Variants in ARMH3 observed in about 807,000 individuals in gnomAD.
ARMH3 encodes the protein armadillo-like helical domain-containing protein 3.
Under a neutral mutation model 99.1 loss-of-function variants are expected in ARMH3, and 60 were observed. That is an observed-to-expected ratio of 0.61 (90% confidence interval 0.49 to 0.75). The LOEUF is 0.75. Among genes scored for constraint, ARMH3 ranks in the 30% least tolerant of loss-of-function variants. The probability of loss-of-function intolerance (pLI) is 0.00; values close to 1 mark genes in which losing one functional copy is unlikely to be tolerated. For missense variants in ARMH3, 679 were observed against 843.1 expected (o/e 0.81, Z 2.41); for synonymous variants, 285 against 292.8 (o/e 0.97, Z 0.27).
At chr10:102,023,776 G>A in intron 6 of ARMH3, 27 bp from the exon 7 acceptor site, 1 of 1,597,364 alleles carries the variant, frequency 6.3e-7, no homozygotes, top group Non-Finnish European at 8.6e-7. Context: ...GCTTTTTAAA[G>A]TCTGTTCTGA....
At chr10:101,940,307 T>A (rs572643409) in intron 22 of ARMH3, among the ~76,000 whole-genome samples, 1 of 152,156 alleles carries the variant, frequency 6.6e-6, no homozygotes, top group African/African-American at 2.4e-5. Flanking sequence ...ATTTCCCTAA[T>A]GGTGGGGGCT....
chr10:101,868,454 G>A (rs749227588), intron 24 of ARMH3, among the ~76,000 whole-genome samples: 6 of 152,146 alleles, frequency 3.9e-5, no homozygotes, highest in African/African-American at 9.7e-5. Context: ...CAGAAATTAT[G>A]ATGGATTTCC....
At chr10:101,937,190 G>A (rs1844020150) in intron 23 of ARMH3, among the ~76,000 whole-genome samples, 1 of 152,184 alleles carries the variant, frequency 6.6e-6, no homozygotes, top group Non-Finnish European at 1.5e-5. Flanking sequence ...ATTATGGTTT[G>A]CAAGAAAGAG....
At chr10:101,923,370 C>T (rs1843376917) in intron 23 of ARMH3, among the ~76,000 whole-genome samples, 1 of 152,194 alleles carries the variant, frequency 6.6e-6, no homozygotes, top group Non-Finnish European at 1.5e-5. Flanking sequence ...AAAAATCTTA[C>T]CATGTCATTA....
At chr10:101,879,588 T>C (rs144416830) in intron 24 of ARMH3, among the ~76,000 whole-genome samples, 4 of 152,156 alleles carry the variant, frequency 2.6e-5, no homozygotes, top group East Asian at 1.9e-4. Context: ...CTGGCCCCAG[T>C]TGATCCGCCC....
chr10:101,993,615 A>G lies in ARMH3; in HGVS notation c.1210-12T>C, dbSNP rs751114734. The G allele has an allele frequency of 1.7e-5, 27 of 1,551,444 alleles. No homozygotes were observed. Among genetic ancestry groups the G allele is most frequent in the Non-Finnish European group, 2.4e-5 (27 of 1,138,468 alleles). Reference sequence around the variant, plus strand: ...TTGGCATATTGATCCTAATAAAAATATAGAGAAAAAGTAAGAAGCGAGAGC... The same window carrying G: ...TTGGCATATTGATCCTAATAAAAATGTAGAGAAAAAGTAAGAAGCGAGAGC... On this transcript the variant is annotated splice_polypyrimidine_tract_variant and intron_variant, in intron 16 of 25. Transcript: ENST00000370033.
chr10:101,869,392 G>T (rs374852754), intron 24 of ARMH3, among the ~76,000 whole-genome samples: 24 of 152,226 alleles, frequency 1.6e-4, no homozygotes, highest in African/African-American at 5.8e-4. Flanking sequence ...AATTTAAAAG[G>T]ATTGTAATCA....
intron 20 of ARMH3, among the ~76,000 whole-genome samples, chr10:101,966,646 C>A (rs1426475637): frequency 6.6e-6 from 1 of 152,106 alleles, no homozygotes; most frequent in Admixed American, 6.6e-5. Context: ...CCACAAGGAA[C>A]CTTTTTTGCA....
chr10:101,855,605 G>C (rs1039655364), intron 24 of ARMH3, among the ~76,000 whole-genome samples: 1 of 150,688 alleles, frequency 6.6e-6, no homozygotes, highest in Non-Finnish European at 1.5e-5. Flanking sequence ...GGGTACAGTG[G>C]CATAATCACA....
intron 23 of ARMH3, among the ~76,000 whole-genome samples, chr10:101,907,122 G>A (rs538493251): frequency 3.3e-4 from 51 of 152,274 alleles, no homozygotes; most frequent in African/African-American, 1.2e-3. Context: ...TACCAACGGG[G>A]AGACGACCTG....
chr10:101,915,048 C>T (rs1162306239), intron 23 of ARMH3, among the ~76,000 whole-genome samples: 1 of 151,664 alleles, frequency 6.6e-6, no homozygotes, highest in Non-Finnish European at 1.5e-5. Flanking sequence ...ACATAGATGG[C>T]TATTTGAGAG....
At chr10:101,974,132 A>G (rs1845888616) in intron 20 of ARMH3, among the ~76,000 whole-genome samples, 1 of 152,172 alleles carries the variant, frequency 6.6e-6, no homozygotes, top group South Asian at 2.1e-4. Context: ...CACTATTGCC[A>G]CTTAATGTTA....
chr10:101,906,457 G>A (rs1280066274), intron 23 of ARMH3, among the ~76,000 whole-genome samples: 1 of 152,142 alleles, frequency 6.6e-6, no homozygotes, highest in Non-Finnish European at 1.5e-5. Flanking sequence ...AAGTCTGAAG[G>A]CAAAAAGAAC....
chr10:101,849,691 C>G, intron 25 of ARMH3, 85 bp downstream of exon 25: 1 of 1,137,660 alleles, frequency 8.8e-7, no homozygotes, highest in Non-Finnish European at 1.3e-6. Flanking sequence ...CTTGTTTTAT[C>G]TGCAGATAAA....
Position 101,995,276 on chromosome 10 carries a change from CA to C in ARMH3, c.1209+20del, listed in dbSNP as rs761665360. The C allele has an allele frequency of 1.9e-6, 3 of 1,607,206 alleles. No individual in the cohort carries two copies. The highest frequency in any genetic ancestry group is 1.7e-5 in the Admixed American group (1 of 59,620). On this transcript the variant is annotated intron_variant, in intron 16 of 25. Coordinates refer to ENST00000370033, the MANE Select transcript of ARMH3 (RefSeq NM_024541.3). ...CACTTTGTAAAAGACTGCCTAATAG[CA>C]GAAGGCTCGTGAGACCTACCTCTGC...
chr10:101,979,919 G>C (rs1002368396), intron 19 of ARMH3, among the ~76,000 whole-genome samples: 2 of 152,116 alleles, frequency 1.3e-5, no homozygotes, highest in Non-Finnish European at 2.9e-5. Context: ...CTAGTGTATA[G>C]AGGTTTCTAA....
intron 23 of ARMH3, among the ~76,000 whole-genome samples, chr10:101,891,781 T>A (rs2067696974): frequency 6.6e-6 from 1 of 152,152 alleles, no homozygotes; most frequent in South Asian, 2.1e-4. Flanking sequence ...TTTCTATAAA[T>A]CTAAAATTAT....
At chr10:101,995,435 T>A in intron 15 of ARMH3, 80 bp from the exon 16 acceptor site, 1 of 1,187,824 alleles carries the variant, frequency 8.4e-7, no homozygotes, top group Non-Finnish European at 1.2e-6. Flanking sequence ...AGGACGTATA[T>A]CATAAAAGGA....
intron 22 of ARMH3, among the ~76,000 whole-genome samples, chr10:101,944,267 TATATATAGAGAGAG>T (rs1554871411): frequency 3.9e-5 from 2 of 51,136 alleles, no homozygotes; most frequent in African/African-American, 2.1e-4. Context: ...TATATATATA[TATATATAGAGAGAG>T]AGAGAGAGAG....
Sources: gnomAD v4.1 joint callset for allele counts (sites outside exome capture counted in the v4.1 genomes callset) on GRCh38, gnomAD v4.1.1 for gene constraint, MANE v1.5 for transcripts, NCBI Gene and HGNC (gene_info 2026-07-23, HGNC 2026-07-21) for gene names.